REDIC1: variants seen among roughly 807,000 people sequenced by gnomAD.
The protein encoded by REDIC1 is regulator of DNA class I crossover intermediates 1.
the REDIC1 span, among the ~76,000 whole-genome samples, chr12:39,777,200 C>G: frequency 6.6e-6 from 1 of 152,200 alleles, no homozygotes. Context: ...CATAATGAGC[C>G]AATCATATGA....
chr12:39,682,660 G>A, the REDIC1 span: 1 of 1,608,858 alleles, frequency 6.2e-7, no homozygotes, highest in Non-Finnish European at 8.5e-7. Context: ...AATTATGGAT[G>A]AAGATTGTAG....
the REDIC1 span, among the ~76,000 whole-genome samples, chr12:39,717,353 A>G: frequency 6.6e-6 from 1 of 152,000 alleles, no homozygotes; most frequent in East Asian, 1.9e-4. Flanking sequence ...TGTATATATT[A>G]TATACTATAT....
At chr12:39,699,298 G>A in the REDIC1 span, among the ~76,000 whole-genome samples, 1 of 152,184 alleles carries the variant, frequency 6.6e-6, no homozygotes, top group South Asian at 2.1e-4. Context: ...GAAGCGAAAG[G>A]GGTCAGGGAG....
chr12:39,901,823 C>T, the REDIC1 span, among the ~76,000 whole-genome samples: 1 of 144,580 alleles, frequency 6.9e-6, no homozygotes. Flanking sequence ...ACCATTTGAC[C>T]CAGCCATCCC....
the REDIC1 span, among the ~76,000 whole-genome samples, chr12:39,802,590 T>A: frequency 6.6e-6 from 1 of 152,216 alleles, no homozygotes; most frequent in Non-Finnish European, 1.5e-5. Flanking sequence ...AGAAAACTTG[T>A]ATGTTTCTGT....
the REDIC1 span, among the ~76,000 whole-genome samples, chr12:39,762,291 G>C: frequency 3.3e-5 from 5 of 152,128 alleles, no homozygotes; most frequent in Non-Finnish European, 4.4e-5. Flanking sequence ...TCTGTAACGA[G>C]TCCATCAGGA....
At chr12:39,814,553 A>G in the REDIC1 span, among the ~76,000 whole-genome samples, 1 of 152,188 alleles carries the variant, frequency 6.6e-6, no homozygotes, top group East Asian at 1.9e-4. Flanking sequence ...AAACTGAAGA[A>G]TGCTTTGGTA....
the REDIC1 span, among the ~76,000 whole-genome samples, chr12:39,891,977 T>G: frequency 7.3e-5 from 11 of 149,852 alleles, no homozygotes; most frequent in African/African-American, 2.8e-4. Context: ...TCTGAACGAT[T>G]TTTTTACTAG....
chr12:39,714,068 T>C, the REDIC1 span, among the ~76,000 whole-genome samples: 1 of 149,340 alleles, frequency 6.7e-6, no homozygotes, highest in Admixed American at 6.7e-5. Flanking sequence ...CGTATGTGTA[T>C]ATACGTGTAT....
At chr12:39,635,701 G>A in the REDIC1 span, among the ~76,000 whole-genome samples, 3 of 152,064 alleles carry the variant, frequency 2.0e-5, no homozygotes, top group African/African-American at 7.2e-5. Context: ...TAAATGATGA[G>A]TTGATGGGTG....
the REDIC1 span, among the ~76,000 whole-genome samples, chr12:39,715,620 G>A: frequency 2.0e-5 from 3 of 151,910 alleles, no homozygotes; most frequent in Non-Finnish European, 4.4e-5. Context: ...CATAGCCAAA[G>A]CAAGACTAAG....
chr12:39,683,168 T>G, the REDIC1 span: 10 of 1,536,380 alleles, frequency 6.5e-6, no homozygotes, highest in Non-Finnish European at 8.7e-6. Context: ...AAAATGTAAT[T>G]ACATATTCTT....
At chr12:39,712,165 C>CATGTATATATACCTGTATGTATATGTA in the REDIC1 span, among the ~76,000 whole-genome samples, 1 of 139,512 alleles carries the variant, frequency 7.2e-6, no homozygotes, top group African/African-American at 2.7e-5. Flanking sequence ...TGTATATGTA[C>CATGTATATATACCTGTATGTATATGTA]ATGTATATAT....
the REDIC1 span, among the ~76,000 whole-genome samples, chr12:39,848,425 T>A: frequency 6.6e-6 from 1 of 151,882 alleles, no homozygotes; most frequent in Non-Finnish European, 1.5e-5. Flanking sequence ...ATGAAAAAAA[T>A]TCCATATCAC....
chr12:39,897,036 C>A, the REDIC1 span, among the ~76,000 whole-genome samples: 1 of 152,078 alleles, frequency 6.6e-6, no homozygotes, highest in Non-Finnish European at 1.5e-5. Flanking sequence ...CAAGTTCTAA[C>A]CCTTAGTTCA....
chr12:39,854,389 AT>A, the REDIC1 span, among the ~76,000 whole-genome samples: 1 of 152,220 alleles, frequency 6.6e-6, no homozygotes. Context: ...CCTGCTTAGA[AT>A]TATGCCCCCT....
chr12:39,682,973 T>G, the REDIC1 span: 4 of 1,613,310 alleles, frequency 2.5e-6, no homozygotes, highest in Non-Finnish European at 3.4e-6. Flanking sequence ...AGAAACATTT[T>G]TACAGTTCCA....
the REDIC1 span, chr12:39,684,887 A>C: frequency 6.2e-7 from 1 of 1,612,314 alleles, no homozygotes; most frequent in Non-Finnish European, 8.5e-7. Flanking sequence ...CCTTCGGAAG[A>C]ATTGCACTCT....
At chr12:39,710,702 A>G in the REDIC1 span, among the ~76,000 whole-genome samples, 3 of 151,776 alleles carry the variant, frequency 2.0e-5, no homozygotes, top group Admixed American at 1.3e-4. Flanking sequence ...CCTGGGGTTC[A>G]TCACACTTAG....
Sources: allele counts gnomAD v4.1 joint callset (sites outside exome capture counted in the v4.1 genomes callset), GRCh38; gene constraint gnomAD v4.1.1; transcripts MANE v1.5; gene names NCBI Gene and HGNC (gene_info 2026-07-23, HGNC 2026-07-21).